Variants in GFOD1 observed in about 807,000 individuals in gnomAD.
The protein encoded by GFOD1 is glucose-fructose oxidoreductase domain-containing protein 1.
In GFOD1, 9 loss-of-function variants were observed where a neutral mutation model predicts 25.4. The ratio of observed to expected loss-of-function variants is 0.35; its 90% CI spans 0.21 to 0.62. The LOEUF is 0.62. Among genes scored for constraint, GFOD1 ranks in the 20% least tolerant of loss-of-function variants. The pLI is 0.72. For synonymous variants in GFOD1, 253 were observed against 245.6 expected, an observed-to-expected ratio of 1.03 and a Z score of -0.28; for missense variants, 403 against 556.9, an observed-to-expected ratio of 0.72 and a Z score of 2.78.
rs902036812 is a variant in GFOD1 at position 13,359,727 on chromosome 6, T to G, written c.*5016A>C. 1.3e-5 allele frequency: 2 copies of G among 152,114 alleles called. No individual in the cohort carries two copies. The highest frequency in any genetic ancestry group is 4.8e-5 in the African/African-American group (2 of 41,412). 9.4% of individuals were successfully genotyped at this position (152,114 alleles called of 1,614,324 possible). On this transcript the variant is annotated 3_prime_UTR_variant, in exon 2 of 2. Coordinates refer to ENST00000379287, the MANE Select transcript of GFOD1 (RefSeq NM_018988.4). ...ACTTTGGGAGGTCAAGGCGGGCGGA[T>G]CACAAGGTCAGGAGTTCAAGACCAG... is the stretch of plus-strand genomic sequence containing the variant.
At position 13,365,878 on chromosome 6, in the gene GFOD1, C is replaced by CAAT. The variant is rs58256557; in HGVS notation, c.254-219_254-217dup. Among the ~76,000 whole-genome samples the CAAT allele has an allele frequency of 0.056, 7,458 of 133,832 alleles. 226 individuals carry two copies. Among genetic ancestry groups the CAAT allele is most frequent in the African/African-American group, 0.081 (2,930 of 36,060 alleles). 87.8% of individuals were successfully genotyped at this position (133,832 alleles called of 152,430 possible). A position where few individuals can be genotyped will look rare whatever the true frequency, so the allele number is the denominator to read the frequency against. On this transcript the variant is annotated intron_variant, in intron 1 of 1. Transcript: ENST00000379287. This position sits in a 1 kb window ranked among gnomAD's most constrained non-coding sequence, Gnocchi z 9.2. ...TGGGTAACACAGAGAGATCCTGTCTCAATAATAATAATAATAATAATAATA... is the reference window on the plus strand; with the variant it reads ...TGGGTAACACAGAGAGATCCTGTCTCAATAATAATAATAATAATAATAATAATA...
intron 1 of GFOD1, among the ~76,000 whole-genome samples, chr6:13,455,084 G>A (rs542708101): frequency 2.6e-5 from 4 of 151,784 alleles, no homozygotes; most frequent in African/African-American, 2.4e-5. Context: ...CTCTCTGCAC[G>A]TGTGCCTGAC....
intron 1 of GFOD1, among the ~76,000 whole-genome samples, chr6:13,412,928 G>A (rs1047128054): frequency 1.3e-5 from 2 of 152,228 alleles, no homozygotes; most frequent in African/African-American, 4.8e-5. Context: ...TTGCTATGAC[G>A]ATAAGCATGA....
Position 13,365,676 on chromosome 6 carries a change from G to A in GFOD1, c.254-14C>T. ...TCTTGCCGATGCCTGCGGGTGGGAG[G>A]AAGACAGCGGTCAGCGGGGCAGGAC... On this transcript the variant is annotated splice_polypyrimidine_tract_variant and intron_variant, in intron 1 of 1. Coordinates refer to ENST00000379287, the MANE Select transcript of GFOD1 (RefSeq NM_018988.4). This position sits in a 1 kb window ranked among gnomAD's most constrained non-coding sequence, Gnocchi z 9.2. 2 of 1,577,370 alleles carry A rather than the reference G, an allele frequency of 1.3e-6. No homozygotes were observed. Among genetic ancestry groups the A allele is most frequent in the South Asian group, 1.1e-5 (1 of 90,354 alleles).
chr6:13,458,084 C>T (rs1034401666), intron 1 of GFOD1, among the ~76,000 whole-genome samples: 6 of 152,104 alleles, frequency 3.9e-5, no homozygotes, highest in African/African-American at 1.2e-4. Context: ...TAATTTTAAA[C>T]CCTCTTTGAA....
At chr6:13,470,225 C>G (rs777090928) in intron 1 of GFOD1, 12 of 1,595,890 alleles carry the variant, frequency 7.5e-6, no homozygotes, top group Non-Finnish European at 9.4e-6. Context: ...GGTCTGGGGA[C>G]TGGAAAGAAG....
intron 1 of GFOD1, among the ~76,000 whole-genome samples, chr6:13,475,029 T>C (rs923299070): frequency 4.6e-5 from 7 of 152,174 alleles, no homozygotes; most frequent in Non-Finnish European, 1.0e-4. Context: ...ACTCTACGCC[T>C]TCCCCCAAGT....
At chr6:13,426,134 G>A (rs1441382899) in intron 1 of GFOD1, among the ~76,000 whole-genome samples, 1 of 152,220 alleles carries the variant, frequency 6.6e-6, no homozygotes, top group Non-Finnish European at 1.5e-5. Context: ...GAGCTTTCTA[G>A]GCAGCCAGCA....
intron 1 of GFOD1, among the ~76,000 whole-genome samples, chr6:13,399,980 C>A (rs900373175): frequency 6.6e-6 from 1 of 152,154 alleles, no homozygotes; most frequent in Non-Finnish European, 1.5e-5. Context: ...GCCAATACAT[C>A]ATTTCTTTCT....
chr6:13,368,631 G>T (rs1785092316), intron 1 of GFOD1, among the ~76,000 whole-genome samples: 1 of 152,128 alleles, frequency 6.6e-6, no homozygotes, highest in Non-Finnish European at 1.5e-5. Context: ...CCAAAAGCAG[G>T]ATCCTGACTG....
chr6:13,367,667 G>A (rs1010363232), intron 1 of GFOD1, among the ~76,000 whole-genome samples: 4 of 151,732 alleles, frequency 2.6e-5, no homozygotes, highest in Non-Finnish European at 4.4e-5. Context: ...GAGTGGCAGG[G>A]AATGAGAAAG....
At chr6:13,433,338 C>T (rs994311696) in intron 1 of GFOD1, among the ~76,000 whole-genome samples, 1 of 152,178 alleles carries the variant, frequency 6.6e-6, no homozygotes, top group Non-Finnish European at 1.5e-5. Context: ...AAGCTGGTCT[C>T]AAACTCTTGA....
At chr6:13,404,848 G>A (rs1785916733) in intron 1 of GFOD1, among the ~76,000 whole-genome samples, 1 of 152,204 alleles carries the variant, frequency 6.6e-6, no homozygotes, top group Admixed American at 6.5e-5. Context: ...AGAATAACAT[G>A]CTAGAGTCCT....
intron 1 of GFOD1, among the ~76,000 whole-genome samples, chr6:13,369,384 G>T (rs1785105637): frequency 6.6e-6 from 1 of 152,162 alleles, no homozygotes; most frequent in South Asian, 2.1e-4. Context: ...ATTTATTATA[G>T]CAAAAAACTG....
chr6:13,459,086 A>G (rs552429725), intron 1 of GFOD1, among the ~76,000 whole-genome samples: 33 of 152,314 alleles, frequency 2.2e-4, no homozygotes, highest in African/African-American at 6.3e-4. Context: ...CAGGGCCACA[A>G]GGGCTCTGCT....
intron 1 of GFOD1, among the ~76,000 whole-genome samples, chr6:13,477,753 T>C (rs1323724706): frequency 6.6e-6 from 1 of 152,174 alleles, no homozygotes; most frequent in African/African-American, 2.4e-5. Context: ...AATGTGTATT[T>C]CACAAAGTGG....
At chr6:13,464,724 C>T (rs536176900) in intron 1 of GFOD1, among the ~76,000 whole-genome samples, 2 of 152,222 alleles carry the variant, frequency 1.3e-5, no homozygotes, top group South Asian at 2.1e-4. Context: ...AGAAACAAAC[C>T]GATTTCTTCT....
chr6:13,423,788 C>T (rs1445574535), intron 1 of GFOD1, among the ~76,000 whole-genome samples: 1 of 152,196 alleles, frequency 6.6e-6, no homozygotes, highest in Non-Finnish European at 1.5e-5. Context: ...CTTAGACATC[C>T]TTTTTGATCT....
At chr6:13,485,099 C>T (rs1758835099) in intron 1 of GFOD1, among the ~76,000 whole-genome samples, 1 of 152,120 alleles carries the variant, frequency 6.6e-6, no homozygotes, top group Admixed American at 6.5e-5. Context: ...CAGTTCAAGG[C>T]CAAAGAAACA....
Sources: gnomAD v4.1 joint callset for allele counts (sites outside exome capture counted in the v4.1 genomes callset) on GRCh38, gnomAD v4.1.1 for gene constraint, Gnocchi (gnomAD v3.1) non-coding constraint, MANE v1.5 for transcripts, NCBI Gene and HGNC (gene_info 2026-07-23, HGNC 2026-07-21) for gene names.